GAD2: variants seen among roughly 807,000 people sequenced by gnomAD.
GAD2 encodes glutamate decarboxylase 2, also known as 65 kDa glutamic acid decarboxylase.
In GAD2, 22 loss-of-function variants were observed where a neutral mutation model predicts 80.1. That is an observed-to-expected ratio of 0.27 (90% CI 0.20 to 0.39). The LOEUF (loss-of-function observed/expected upper bound fraction) is 0.39. GAD2 is among the 10% of genes least tolerant of loss of function. The pLI is 1.00. For synonymous variants in GAD2, 274 were observed against 256.9 expected (o/e 1.07, Z -0.64); for missense variants, 624 against 738.4 (o/e 0.85, Z 1.80).
At chr10:26,222,664 A>G (rs972642203) in intron 4 of GAD2, among the ~76,000 whole-genome samples, 1 of 152,210 alleles carries the variant, frequency 6.6e-6, no homozygotes, top group Non-Finnish European at 1.5e-5. Context: ...CAATAGATAC[A>G]CAAGTCCTGA....
At chr10:26,281,363 C>T (rs1312803744) in intron 12 of GAD2, among the ~76,000 whole-genome samples, 2 of 152,118 alleles carry the variant, frequency 1.3e-5, no homozygotes, top group African/African-American at 4.8e-5. Flanking sequence ...TCCTGCATTC[C>T]TCCAATCCAG....
chr10:26,219,078 T>C lies in GAD2; in HGVS notation c.322T>C (p.Leu108=), dbSNP rs759513504. 2 of 1,600,434 alleles carry C rather than the reference T, an allele frequency of 1.2e-6. No homozygotes were observed. The highest frequency in any genetic ancestry group is 1.7e-6 in the Non-Finnish European group (2 of 1,173,324). Residue 108 remains leucine (L), a synonymous_variant, in exon 4 of 16, where the codon TTG becomes CTG. Transcript: ENST00000376261. ...LPACDGERPT[L]AFLQDVMNIL... ...GGCGTGTGATGGAGAAAGGCCCACT[T>C]TGGCGTTTCTGCAAGATGTTATGAA...
At chr10:26,268,142 T>C (rs1845093079) in intron 8 of GAD2, among the ~76,000 whole-genome samples, 1 of 152,232 alleles carries the variant, frequency 6.6e-6, no homozygotes, top group Non-Finnish European at 1.5e-5. Context: ...TTGGCTATGT[T>C]AGCAACCTCC....
chr10:26,238,846 G>A (rs575119958), intron 7 of GAD2, among the ~76,000 whole-genome samples: 1 of 152,344 alleles, frequency 6.6e-6, no homozygotes, highest in Non-Finnish European at 1.5e-5. Flanking sequence ...GTATTTCTAA[G>A]GAAGCTGTAG....
intron 8 of GAD2, among the ~76,000 whole-genome samples, chr10:26,249,813 TAGA>T (rs1020563073): frequency 5.3e-5 from 8 of 151,964 alleles, no homozygotes; most frequent in African/African-American, 1.9e-4. Context: ...AGTTCAGGCC[TAGA>T]AGAAGGAAGA....
intron 13 of GAD2, among the ~76,000 whole-genome samples, chr10:26,290,496 T>C (rs969889930): frequency 1.3e-5 from 2 of 152,126 alleles, no homozygotes; most frequent in Admixed American, 6.6e-5. Context: ...GTTCAGTGCA[T>C]ATTATGAAAG....
intron 6 of GAD2, among the ~76,000 whole-genome samples, chr10:26,225,887 G>A (rs1044806855): frequency 6.6e-6 from 1 of 152,138 alleles, no homozygotes; most frequent in African/African-American, 2.4e-5. Context: ...TTAGTACTTA[G>A]TTTTCCTTTG....
At chr10:26,250,753 TA>T (rs1564662747) in intron 8 of GAD2, among the ~76,000 whole-genome samples, 2 of 151,496 alleles carry the variant, frequency 1.3e-5, no homozygotes, top group African/African-American at 4.8e-5. Flanking sequence ...TCACTTTTTT[TA>T]AAAAAAAGAA....
chr10:26,279,635 G>A (rs774643106), intron 11 of GAD2, among the ~76,000 whole-genome samples: 2 of 152,198 alleles, frequency 1.3e-5, no homozygotes, highest in Non-Finnish European at 2.9e-5. Flanking sequence ...GCTGAATCCA[G>A]ATTAAAATAA....
At chr10:26,282,906 T>C (rs1845287774) in intron 12 of GAD2, among the ~76,000 whole-genome samples, 1 of 152,230 alleles carries the variant, frequency 6.6e-6, no homozygotes, top group Admixed American at 6.5e-5. Flanking sequence ...CCTTTTGGAC[T>C]GGTTTTTCAT....
intron 11 of GAD2, among the ~76,000 whole-genome samples, chr10:26,276,993 T>A (rs1268011606): frequency 6.6e-6 from 1 of 152,142 alleles, no homozygotes; most frequent in Non-Finnish European, 1.5e-5. Context: ...AGATTGTCAA[T>A]GAACAGTGGA....
intron 7 of GAD2, among the ~76,000 whole-genome samples, chr10:26,238,922 T>C (rs949149588): frequency 1.3e-5 from 2 of 150,562 alleles, no homozygotes; most frequent in Admixed American, 6.6e-5. Context: ...GTCAGAAGGA[T>C]GTGAAGGAGG....
At chr10:26,253,762 T>G (rs527970041) in intron 8 of GAD2, among the ~76,000 whole-genome samples, 1 of 152,318 alleles carries the variant, frequency 6.6e-6, no homozygotes, top group East Asian at 1.9e-4. Flanking sequence ...TACTGGCTGT[T>G]ATTGATTCAC....
chr10:26,232,513 C>T (rs1425207655), intron 7 of GAD2, among the ~76,000 whole-genome samples: 1 of 139,030 alleles, frequency 7.2e-6, no homozygotes, highest in Non-Finnish European at 1.5e-5. Context: ...CTAGCCCTGT[C>T]GCCCAGGCTG....
Position 26,219,102 on chromosome 10 carries a change from A to T in GAD2, c.346A>T (p.Asn116Tyr), listed in dbSNP as rs144305290. Residue 116 changes from asparagine (N) to tyrosine (Y), a missense_variant, in exon 4 of 16, where the codon AAC becomes TAC. Asn to Tyr is a moderately radical substitution (Grantham distance 143, BLOSUM62 -2). Transcript: ENST00000376261. ...TTTGGCGTTTCTGCAAGATGTTATG[A>T]ACATTTTACTTCAGTATGTGGTGAA... ...PTLAFLQDVM[N>Y]ILLQYVVKSF... 1.9e-5 allele frequency: 31 copies of T among 1,611,288 alleles called. No homozygotes were observed. Among genetic ancestry groups the T allele is most frequent in the African/African-American group, 6.7e-5 (5 of 74,888 alleles).
In GAD2 at chr10:26,301,137, G is replaced by C. The variant is rs1834325942; in HGVS notation, c.*176G>C. 1 of 586,214 alleles carries C rather than the reference G, an allele frequency of 1.7e-6. No individual in the cohort carries two copies. The highest frequency in any genetic ancestry group is 3.0e-6 in the Non-Finnish European group (1 of 333,280). The allele number at this position is 586,214 out of a possible 1,614,324, so 36.3% of individuals were successfully genotyped here. A position where few individuals can be genotyped will look rare whatever the true frequency, so the allele number is the denominator to read the frequency against. On this transcript the variant is annotated 3_prime_UTR_variant, in exon 16 of 16. Transcript: ENST00000376261. ...GCTCCTTTTAAAAGTCCTTTCTTAA[G>C]TTTAGAATACCTCTCTAAGAATTCG...
chr10:26,278,140 C>T (rs1845232714), intron 11 of GAD2, among the ~76,000 whole-genome samples: 1 of 152,176 alleles, frequency 6.6e-6, no homozygotes, highest in African/African-American at 2.4e-5. Context: ...GGCAGCTTCT[C>T]TTCTAAAAAG....
At chr10:26,251,128 G>A (rs1844876398) in intron 8 of GAD2, among the ~76,000 whole-genome samples, 1 of 141,052 alleles carries the variant, frequency 7.1e-6, no homozygotes, top group Admixed American at 7.6e-5. Context: ...TTGATCTCCT[G>A]ATCTCGTGAT....
chr10:26,248,274 T>C (rs1346563066), intron 8 of GAD2, among the ~76,000 whole-genome samples: 1 of 152,252 alleles, frequency 6.6e-6, no homozygotes, highest in Non-Finnish European at 1.5e-5. Context: ...TTCAAAGGTT[T>C]TCTGATTTGC....
Sources: gnomAD v4.1 joint callset for allele counts (sites outside exome capture counted in the v4.1 genomes callset) on GRCh38, gnomAD v4.1.1 for gene constraint, MANE v1.5 for transcripts, NCBI Gene and HGNC (gene_info 2026-07-23, HGNC 2026-07-21) for gene names.